SORCS1: variants seen among roughly 807,000 people sequenced by gnomAD.
SORCS1 encodes the protein sortilin related VPS10 domain containing receptor 1, also known as VPS10 domain-containing receptor SorCS1.
In SORCS1, 60 loss-of-function variants were observed where a neutral mutation model predicts 146.1. The ratio of observed to expected loss-of-function variants is 0.41; its 90% CI spans 0.33 to 0.51. The LOEUF (loss-of-function observed/expected upper bound fraction) is 0.51. Among genes scored for constraint, SORCS1 ranks in the 20% least tolerant of loss-of-function variants. The pLI is 0.21. For synonymous variants in SORCS1, 637 were observed against 584.0 expected (o/e 1.09, Z -1.31); for missense variants, 1,352 against 1,487.6 (o/e 0.91, Z 1.50).
intron 22 of SORCS1, 71 bp downstream of exon 22, chr10:106,611,840 C>A: frequency 1.7e-6 from 2 of 1,174,722 alleles, no homozygotes; most frequent in South Asian, 1.3e-5. Context: ...ACAAAGCTCC[C>A]CTTTCTGTGA....
chr10:107,111,015 G>A lies in SORCS1; in HGVS notation c.558+52954C>T, dbSNP rs1004205337. ...TGGACTCATGTGATCCAGCTCAATCGCCACAAGACTGCAATCCTATAGGCA... is the reference window on the plus strand; with the variant it reads ...TGGACTCATGTGATCCAGCTCAATCACCACAAGACTGCAATCCTATAGGCA... On this transcript the variant is annotated intron_variant, in intron 1 of 25. Coordinates refer to ENST00000263054, the MANE Select transcript of SORCS1 (RefSeq NM_052918.5). Among the ~76,000 whole-genome samples the A allele has an allele frequency of 1.4e-4, 21 of 152,216 alleles. No homozygotes were observed. The Middle Eastern group carries it at 0.017, about 123-fold the overall frequency.
intron 2 of SORCS1, among the ~76,000 whole-genome samples, chr10:106,918,410 G>T (rs1017035288): frequency 6.6e-6 from 1 of 152,088 alleles, no homozygotes. Context: ...TGATCCACCC[G>T]CCTCAGCCTC....
chr10:107,057,859 G>C (rs1445531943), intron 1 of SORCS1, among the ~76,000 whole-genome samples: 6 of 152,086 alleles, frequency 3.9e-5, no homozygotes, highest in African/African-American at 1.4e-4. Flanking sequence ...CCAGGCCGCA[G>C]TGCAGTGGCT....
chr10:106,823,629 G>A (rs112438306), intron 3 of SORCS1, among the ~76,000 whole-genome samples: 16 of 152,260 alleles, frequency 1.1e-4, no homozygotes, highest in East Asian at 9.7e-4. Context: ...CTAGGTCCTC[G>A]CATTCTAAAG....
chr10:106,709,156 G>C (rs985591012), intron 7 of SORCS1, 67 bp downstream of exon 7: 2 of 1,277,534 alleles, frequency 1.6e-6, no homozygotes, highest in Non-Finnish European at 2.3e-6. Context: ...TGTAAAGCAG[G>C]CAAAAGGGAC....
intron 1 of SORCS1, among the ~76,000 whole-genome samples, chr10:106,958,797 C>G (rs775072726): frequency 6.6e-6 from 1 of 152,164 alleles, no homozygotes; most frequent in Non-Finnish European, 1.5e-5. Context: ...TTAAGTCGCT[C>G]TCAGTGCTAA....
chr10:106,584,459 A>G (rs2133224128), intron 24 of SORCS1, among the ~76,000 whole-genome samples: 1 of 152,358 alleles, frequency 6.6e-6, no homozygotes, highest in East Asian at 1.9e-4. Flanking sequence ...CCAAGTAAAG[A>G]GTAAACAGTC....
intron 3 of SORCS1, among the ~76,000 whole-genome samples, chr10:106,815,568 T>C (rs1375917077): frequency 2.0e-5 from 3 of 152,174 alleles, no homozygotes; most frequent in Non-Finnish European, 4.4e-5. Context: ...CACTGGTACC[T>C]GGGTAAGAGA....
rs985605171 is a variant in SORCS1, at chr10:107,087,009, C to T, written c.558+76960G>A. On this transcript the variant is annotated intron_variant, in intron 1 of 25. Transcript: ENST00000263054. ...ACGGCACTGCACTCAGCCTGGGCAA[C>T]AGAGCGTGACTTCGTCTCAAAACAA... Among the ~76,000 whole-genome samples the T allele has an allele frequency of 7.2e-5, 11 of 152,348 alleles. No homozygotes were observed. The East Asian group carries it at 2.1e-3, about 29-fold the overall frequency.
chr10:106,999,219 A>G (rs995345330), intron 1 of SORCS1, among the ~76,000 whole-genome samples: 3 of 152,128 alleles, frequency 2.0e-5, no homozygotes, highest in African/African-American at 7.2e-5. Flanking sequence ...TAAACTGGCA[A>G]ATATGGACAC....
chr10:107,151,495 C>T (rs996552535), intron 1 of SORCS1, among the ~76,000 whole-genome samples: 4 of 151,870 alleles, frequency 2.6e-5, no homozygotes, highest in African/African-American at 7.3e-5. Flanking sequence ...TTGGTGGCAG[C>T]GAGAGAAAAT....
At chr10:106,731,125 C>A (rs371388475) in intron 5 of SORCS1, among the ~76,000 whole-genome samples, 1 of 151,092 alleles carries the variant, frequency 6.6e-6, no homozygotes, top group African/African-American at 2.4e-5. Context: ...CTGGCTAACA[C>A]GGTGAAACCC....
intron 3 of SORCS1, among the ~76,000 whole-genome samples, chr10:106,808,981 A>T (rs908942371): frequency 5.3e-5 from 8 of 152,104 alleles, no homozygotes; most frequent in Admixed American, 5.2e-4. Flanking sequence ...AATAACTTCA[A>T]TGTATAAGCC....
chr10:106,968,389 T>C (rs1014686079), intron 1 of SORCS1, among the ~76,000 whole-genome samples: 12 of 152,356 alleles, frequency 7.9e-5, no homozygotes, highest in African/African-American at 2.9e-4. Flanking sequence ...ATAGACACTA[T>C]CTAAATATTA....
chr10:107,117,361 C>T (rs1216374999), intron 1 of SORCS1, among the ~76,000 whole-genome samples: 10 of 152,146 alleles, frequency 6.6e-5, no homozygotes, highest in Admixed American at 5.9e-4. Context: ...ACAATGACCC[C>T]GGAAGGCCAT....
Position 106,750,884 on chromosome 10 carries a change from C to A in SORCS1, c.959+10704G>T, listed in dbSNP as rs188545776. ...ACCATCCTGGCTAACACGGTGAAACCCCCTCTCTACTAAAAATATAAAAAA... is the reference window on the plus strand; with the variant it reads ...ACCATCCTGGCTAACACGGTGAAACACCCTCTCTACTAAAAATATAAAAAA... On this transcript the variant is annotated intron_variant, in intron 5 of 25. Coordinates refer to ENST00000263054, the MANE Select transcript of SORCS1 (RefSeq NM_052918.5). 6.7e-4 allele frequency among the ~76,000 whole-genome samples: 101 copies of A among 149,712 alleles called. 1 individual carries two copies. The East Asian group carries it at 0.017, about 26-fold the overall frequency.
chr10:106,964,791 T>A (rs1955424031), intron 1 of SORCS1, among the ~76,000 whole-genome samples: 1 of 151,810 alleles, frequency 6.6e-6, no homozygotes, highest in South Asian at 2.1e-4. Context: ...AGGCCTAATT[T>A]TTTTTAGATA....
intron 2 of SORCS1, among the ~76,000 whole-genome samples, chr10:106,849,194 A>T (rs896293522): frequency 6.0e-5 from 9 of 149,908 alleles, no homozygotes; most frequent in Non-Finnish European, 8.9e-5. Context: ...CCAACTTGGT[A>T]CCATTCTCTG....
chr10:107,137,284 C>A (rs182648406), intron 1 of SORCS1, among the ~76,000 whole-genome samples: 4 of 152,312 alleles, frequency 2.6e-5, no homozygotes, highest in Admixed American at 2.6e-4. Flanking sequence ...ACTGATCCTA[C>A]TGGGTCCCAG....
Sources: allele counts gnomAD v4.1 joint callset (sites outside exome capture counted in the v4.1 genomes callset), GRCh38; gene constraint gnomAD v4.1.1; transcripts MANE v1.5; gene names NCBI Gene and HGNC (gene_info 2026-07-23, HGNC 2026-07-21).